The following ERI3 variants were observed in gnomAD, a reference collection of about 807,000 sequenced individuals.
The protein encoded by ERI3 is ERI1 exoribonuclease 3.
In ERI3, 18 loss-of-function variants were observed where a neutral mutation model predicts 44.4. That is an observed-to-expected ratio of 0.41 (90% CI 0.28 to 0.60). The LOEUF (loss-of-function observed/expected upper bound fraction) is 0.60, where lower values mean the gene tolerates loss of function less well. Among genes scored for constraint, ERI3 ranks in the 20% least tolerant of loss-of-function variants. The pLI is 0.36. For synonymous variants in ERI3, 183 were observed against 164.8 expected, an observed-to-expected ratio of 1.11 and a Z score of -0.84; for missense variants, 294 against 435.5, an observed-to-expected ratio of 0.68 and a Z score of 2.89.
Position 44,241,932 on chromosome 1 carries a change from CT to C in ERI3, c.931+6006del, listed in dbSNP as rs1158923901. 1.0e-6 allele frequency: 1 copy of C among 985,554 alleles called. No individual in the cohort carries two copies. Among genetic ancestry groups the C allele is most frequent in the African/African-American group, 1.7e-5 (1 of 57,230 alleles). 61.1% of individuals were successfully genotyped at this position (985,554 alleles called of 1,614,324 possible). On this transcript the variant is annotated intron_variant, in intron 8 of 8. Coordinates refer to ENST00000372257, the MANE Select transcript of ERI3 (RefSeq NM_024066.3). This position sits in a 1 kb window ranked among gnomAD's most constrained non-coding sequence, Gnocchi z 5.6. ...CAACTCACCCATCCATCTAGCCATTCTTCCATCTATGGTTGCTACTGAAGAA... is the reference window on the plus strand; with the variant it reads ...CAACTCACCCATCCATCTAGCCATTCTCCATCTATGGTTGCTACTGAAGAA...
At chr1:44,352,806 A>C in intron 2 of ERI3, 44 bp downstream of exon 2, 1 of 1,611,862 alleles carries the variant, frequency 6.2e-7, no homozygotes, top group Non-Finnish European at 8.5e-7. Context: ...CCAAATACTC[A>C]GAAGAAAATA....
chr1:44,266,856 T>C lies in ERI3; in HGVS notation c.831+17979A>G, dbSNP rs573088782. ...CCTCAGTGCCTTACGCAGGTTCTGT[T>C]TGGCACAGGGCAGGTCCTCAATCTG... On this transcript the variant is annotated intron_variant, in intron 7 of 8. Coordinates refer to ENST00000372257, the MANE Select transcript of ERI3 (RefSeq NM_024066.3). Among the ~76,000 whole-genome samples, 20 of 152,346 alleles carry C rather than the reference T, an allele frequency of 1.3e-4. 1 individual carries two copies. In the South Asian group the frequency reaches 3.5e-3, roughly 27 times the overall value.
chr1:44,242,436 T>G (rs1442763986), intron 8 of ERI3, among the ~76,000 whole-genome samples: 1 of 152,234 alleles, frequency 6.6e-6, no homozygotes, highest in Non-Finnish European at 1.5e-5. Flanking sequence ...CAGATCTAAA[T>G]GCTACCTCCT....
At chr1:44,275,912 A>T (rs932549662) in intron 7 of ERI3, among the ~76,000 whole-genome samples, 1 of 152,004 alleles carries the variant, frequency 6.6e-6, no homozygotes, top group African/African-American at 2.4e-5. Flanking sequence ...AATTTATTTT[A>T]AAAAATCGTT....
At chr1:44,305,562 A>T (rs1645814656) in intron 6 of ERI3, among the ~76,000 whole-genome samples, 1 of 152,254 alleles carries the variant, frequency 6.6e-6, no homozygotes, top group Non-Finnish European at 1.5e-5. Flanking sequence ...GTGACTACAC[A>T]ACAAAGCCCA....
chr1:44,242,961 T>C (rs1229758867), intron 8 of ERI3, among the ~76,000 whole-genome samples: 1 of 152,226 alleles, frequency 6.6e-6, no homozygotes, highest in Non-Finnish European at 1.5e-5. Flanking sequence ...CACTGTCCTT[T>C]CTTCCTTTTG....
intron 8 of ERI3, among the ~76,000 whole-genome samples, chr1:44,242,314 T>C (rs1441589413): frequency 3.3e-5 from 5 of 152,218 alleles, no homozygotes; most frequent in South Asian, 2.1e-4. Context: ...TCAAGGTCTG[T>C]AGAGGCCTCA....
At chr1:44,247,805 A>T in intron 8 of ERI3, 134 bp downstream of exon 8, 1 of 495,076 alleles carries the variant, frequency 2.0e-6, no homozygotes, top group South Asian at 3.5e-5. Flanking sequence ...CCCTTCCACC[A>T]TCCCCCCACC....
intron 8 of ERI3, among the ~76,000 whole-genome samples, chr1:44,226,817 ACTAT>A (rs1303349076): frequency 3.3e-5 from 5 of 150,100 alleles, no homozygotes; most frequent in East Asian, 2.0e-4. Context: ...ACACACACAA[ACTAT>A]CCTATGTTTT....
At chr1:44,239,247 C>T (rs1644379581) in intron 8 of ERI3, among the ~76,000 whole-genome samples, 1 of 152,050 alleles carries the variant, frequency 6.6e-6, no homozygotes, top group Non-Finnish European at 1.5e-5. Context: ...TGGGTATGGC[C>T]TGTGATGGTA....
chr1:44,259,355 G>T (rs1313921423), intron 7 of ERI3, among the ~76,000 whole-genome samples: 1 of 152,120 alleles, frequency 6.6e-6, no homozygotes, highest in Non-Finnish European at 1.5e-5. Context: ...CTAAGGCCTG[G>T]AAGGAATCAA....
Position 44,274,768 on chromosome 1 carries a change from G to T in ERI3, c.831+10067C>A, listed in dbSNP as rs561396431. 2.6e-5 allele frequency among the ~76,000 whole-genome samples: 4 copies of T among 152,248 alleles called. No homozygotes were observed. The South Asian group carries it at 8.3e-4, about 32-fold the overall frequency. On this transcript the variant is annotated intron_variant, in intron 7 of 8. Transcript: ENST00000372257. ...AGCTCCCAAGACTGTTCCCTCCCAGGGTTCCAGCATCAAACCCAGCAGCAA... is the reference window on the plus strand; with the variant it reads ...AGCTCCCAAGACTGTTCCCTCCCAGTGTTCCAGCATCAAACCCAGCAGCAA...
chr1:44,271,381 C>T (rs1444487898), intron 7 of ERI3, among the ~76,000 whole-genome samples: 1 of 152,210 alleles, frequency 6.6e-6, no homozygotes, highest in Non-Finnish European at 1.5e-5. Context: ...TGAGAATATA[C>T]TCATCTTTCA....
At chr1:44,282,063 C>G (rs555451958) in intron 7 of ERI3, among the ~76,000 whole-genome samples, 1 of 152,044 alleles carries the variant, frequency 6.6e-6, no homozygotes, top group Non-Finnish European at 1.5e-5. Context: ...TCAGCAAACA[C>G]GGGCCTGCTC....
chr1:44,316,396 G>A (rs569353369), intron 4 of ERI3, among the ~76,000 whole-genome samples: 1 of 152,254 alleles, frequency 6.6e-6, no homozygotes, highest in East Asian at 1.9e-4. Context: ...AAACCACAAG[G>A]CAAGGGGCTT....
chr1:44,258,200 G>C (rs1271377589), intron 7 of ERI3, among the ~76,000 whole-genome samples: 1 of 152,200 alleles, frequency 6.6e-6, no homozygotes, highest in Non-Finnish European at 1.5e-5. Context: ...GGACAGGCCT[G>C]AAGATAAAAG....
chr1:44,272,780 T>C (rs1322953709), intron 7 of ERI3, among the ~76,000 whole-genome samples: 3 of 151,532 alleles, frequency 2.0e-5, no homozygotes, highest in Non-Finnish European at 1.5e-5. Context: ...GCAGAGGTTG[T>C]AGTAAGCCGA....
rs1646973172 is a variant in ERI3, at chr1:44,355,096, C to G, written c.-70G>C. 1 of 1,263,042 alleles carries G rather than the reference C, an allele frequency of 7.9e-7. No individual in the cohort carries two copies. Among genetic ancestry groups the G allele is most frequent in the Admixed American group, 4.2e-5 (1 of 23,996 alleles). 78.2% of individuals were successfully genotyped at this position (1,263,042 alleles called of 1,614,324 possible). A position where few individuals can be genotyped will look rare whatever the true frequency, so the allele number is the denominator to read the frequency against. ...GTGCAGGCCCCGACGTCTCCCTCGG[C>G]CTCAGCAAGCGCTCAGGGCAGTTGG... On this transcript the variant is annotated 5_prime_UTR_variant, in exon 1 of 9. Coordinates refer to ENST00000372257, the MANE Select transcript of ERI3 (RefSeq NM_024066.3).
rs1259536341 is a variant in ERI3, at chr1:44,221,454, C to T, written c.*104G>A. On this transcript the variant is annotated 3_prime_UTR_variant, in exon 9 of 9. Coordinates refer to ENST00000372257, the MANE Select transcript of ERI3 (RefSeq NM_024066.3). This position sits in a 1 kb window ranked among gnomAD's most constrained non-coding sequence, Gnocchi z 5.9. ...ACAGGGCAGCTGGGGACACTCTGGACACAGAGCTATGCCACTCTCCCTCTT... is the reference window on the plus strand; with the variant it reads ...ACAGGGCAGCTGGGGACACTCTGGATACAGAGCTATGCCACTCTCCCTCTT... The T allele has an allele frequency of 2.0e-6, 2 of 978,312 alleles. No homozygotes were observed. The highest frequency in any genetic ancestry group is 4.9e-5 in the East Asian group (2 of 40,686). 60.6% of individuals were successfully genotyped at this position (978,312 alleles called of 1,614,324 possible).
Sources: allele counts gnomAD v4.1 joint callset (sites outside exome capture counted in the v4.1 genomes callset), GRCh38; gene constraint gnomAD v4.1.1; non-coding constraint Gnocchi (gnomAD v3.1); transcripts MANE v1.5; gene names NCBI Gene and HGNC (gene_info 2026-07-23, HGNC 2026-07-21).